Variants in ALLC observed in about 807,000 individuals in gnomAD.
ALLC encodes allantoicase.
In ALLC, 40 loss-of-function variants were observed where a neutral mutation model predicts 45.0. That is an observed-to-expected ratio of 0.89 (90% CI 0.69 to 1.16). The LOEUF (loss-of-function observed/expected upper bound fraction) is 1.16, where lower values mean the gene tolerates loss of function less well. ALLC is among the 50% of genes most tolerant of loss of function. The pLI is 0.00. For missense variants in ALLC, 488 were observed against 493.1 expected (o/e 0.99, Z 0.10); for synonymous variants, 176 against 178.1 (o/e 0.99, Z 0.09).
At chr2:3,668,068 A>G (rs1391848589) in intron 1 of ALLC, among the ~76,000 whole-genome samples, 2 of 152,136 alleles carry the variant, frequency 1.3e-5, no homozygotes, top group Non-Finnish European at 2.9e-5. Context: ...TCAGGACGAT[A>G]ATAAATATTA....
At chr2:3,667,922 G>A (rs1666769144) in intron 1 of ALLC, among the ~76,000 whole-genome samples, 1 of 152,134 alleles carries the variant, frequency 6.6e-6, no homozygotes, top group Non-Finnish European at 1.5e-5. Context: ...GCGCCACCAT[G>A]CCTGGCTAAT....
At chr2:3,651,557 C>G in the ALLC span, among the ~76,000 whole-genome samples, 3 of 151,866 alleles carry the variant, frequency 2.0e-5, no homozygotes, top group Admixed American at 2.0e-4. Context: ...CGCGTGAGTT[C>G]TCATCCTCAG....
chr2:3,671,747 C>T (rs1197967453), intron 2 of ALLC, among the ~76,000 whole-genome samples: 1 of 140,594 alleles, frequency 7.1e-6, no homozygotes, highest in South Asian at 2.3e-4. Flanking sequence ...GGTCCTCTGG[C>T]TCTGGTTAGA....
intron 3 of ALLC, among the ~76,000 whole-genome samples, chr2:3,675,059 A>G (rs1666986289): frequency 6.6e-6 from 1 of 152,136 alleles, no homozygotes; most frequent in Non-Finnish European, 1.5e-5. Flanking sequence ...GAACTAAAGA[A>G]ATTATAGCTC....
chr2:3,663,606 C>G (rs999336901), intron 1 of ALLC, among the ~76,000 whole-genome samples: 2 of 151,818 alleles, frequency 1.3e-5, no homozygotes, highest in Non-Finnish European at 2.9e-5. Flanking sequence ...GACTCTATGT[C>G]AGAAACAGTA....
chr2:3,672,641 A>ACC, intron 2 of ALLC, among the ~76,000 whole-genome samples: 1 of 138,372 alleles, frequency 7.2e-6, no homozygotes, highest in African/African-American at 2.8e-5. Flanking sequence ...CTCTGGTTAG[A>ACC]TGGGAGGTCC....
chr2:3,686,615 T>G (rs1667339815), intron 7 of ALLC, among the ~76,000 whole-genome samples: 1 of 150,938 alleles, frequency 6.6e-6, no homozygotes, highest in Admixed American at 6.6e-5. Context: ...TTCAATATAT[T>G]TCACCAGTGT....
chr2:3,695,597 A>G, intron 7 of ALLC, 120 bp from the exon 8 acceptor site: 2 of 1,067,950 alleles, frequency 1.9e-6, no homozygotes, highest in African/African-American at 1.6e-5. Flanking sequence ...GAGAAACAGC[A>G]GGTGGGTGTG....
At chr2:3,650,658 G>T in the ALLC span, among the ~76,000 whole-genome samples, 20 of 152,308 alleles carry the variant, frequency 1.3e-4, no homozygotes, top group Admixed American at 1.2e-3. Context: ...TCTCGCACTT[G>T]TCTGGGGCTC....
intron 5 of ALLC, 36 bp from the exon 6 acceptor site, chr2:3,681,598 C>T (rs1357679459): frequency 6.6e-7 from 1 of 1,506,962 alleles, no homozygotes; most frequent in Admixed American, 1.8e-5. Flanking sequence ...GATTTTGAAC[C>T]CTAATCTTAA....
upstream of ALLC, among the ~76,000 whole-genome samples, chr2:3,655,916 T>G (rs985001423): frequency 2.6e-5 from 4 of 152,230 alleles, no homozygotes; most frequent in South Asian, 6.2e-4. Flanking sequence ...GCCCTGTGCT[T>G]CTGCTGGAGC....
intron 9 of ALLC, 123 bp from the exon 10 acceptor site, chr2:3,697,225 A>C (rs534959846): frequency 1.8e-5 from 12 of 674,484 alleles, no homozygotes; most frequent in South Asian, 1.6e-4. Flanking sequence ...AGGCCACAGG[A>C]AACACTCTTC....
intron 7 of ALLC, chr2:3,695,378 A>G (rs940669426): frequency 1.5e-5 from 4 of 270,900 alleles, no homozygotes; most frequent in African/African-American, 9.0e-5. Flanking sequence ...TAAATAACAA[A>G]GAGATATGAT....
At chr2:3,666,259 T>C (rs1401169447) in intron 1 of ALLC, among the ~76,000 whole-genome samples, 1 of 152,228 alleles carries the variant, frequency 6.6e-6, no homozygotes. Flanking sequence ...CGGGGCATAG[T>C]GAGCTTGCTG....
At chr2:3,701,936 G>A (rs115435953) in intron 11 of ALLC, among the ~76,000 whole-genome samples, 2,261 of 152,254 alleles carry the variant, frequency 0.015, 53 homozygotes, top group African/African-American at 0.051. Context: ...CTCTAATGGC[G>A]TGTCCACCTG....
chr2:3,656,674 C>T (rs1244900528), upstream of ALLC, among the ~76,000 whole-genome samples: 1 of 152,250 alleles, frequency 6.6e-6, no homozygotes. Context: ...TTGGAGAAAT[C>T]TCAAGCCTCA....
intron 10 of ALLC, among the ~76,000 whole-genome samples, chr2:3,697,667 C>CT (rs751257227): frequency 1.3e-5 from 2 of 148,240 alleles, no homozygotes; most frequent in South Asian, 4.3e-4. Context: ...ATCTATCTAT[C>CT]TTTTATTTAT....
chr2:3,675,583 CAT>C lies in ALLC; in HGVS notation c.84+1474_84+1475del, dbSNP rs112480558. 5.6e-3 allele frequency among the ~76,000 whole-genome samples: 843 copies of C among 149,794 alleles called. 7 individuals carry two copies. Among genetic ancestry groups the C allele is most frequent in the African/African-American group, 0.013 (544 of 40,996 alleles). Reference sequence around the variant, plus strand: ...CTATTTCTTAGATTTTATACTTGAGCATATATATATATATATACACACACACA... The same window carrying C: ...CTATTTCTTAGATTTTATACTTGAGCATATATATATATATACACACACACA... On this transcript the variant is annotated intron_variant, in intron 3 of 11. Transcript: ENST00000252505.
chr2:3,651,305 T>G, the ALLC span, among the ~76,000 whole-genome samples: 15,245 of 22,496 alleles, frequency 0.68, 6,240 homozygotes, highest in South Asian at 0.82. Flanking sequence ...TTTGGGTGGG[T>G]GGGTGGGTGG....
Sources: gnomAD v4.1 joint callset for allele counts (sites outside exome capture counted in the v4.1 genomes callset) on GRCh38, gnomAD v4.1.1 for gene constraint, MANE v1.5 for transcripts, NCBI Gene and HGNC (gene_info 2026-07-23, HGNC 2026-07-21) for gene names.